Variants in MBD5 observed in about 807,000 individuals in gnomAD.
The protein encoded by MBD5 is methyl-CpG-binding domain protein 5.
A neutral mutation model predicts 117.3 loss-of-function variants in MBD5; 13 were observed. That is an observed-to-expected ratio of 0.11 (90% CI 0.07 to 0.18). The LOEUF (loss-of-function observed/expected upper bound fraction) is 0.18, where lower values mean the gene tolerates loss of function less well. MBD5 is among the 10% of genes least tolerant of loss of function. The pLI, the probability that MBD5 is intolerant of heterozygous loss-of-function variation, is 1.00. For missense variants in MBD5, 1,879 were observed against 2,093.8 expected, an observed-to-expected ratio of 0.90 and a Z score of 2.00; for synonymous variants, 727 against 766.4, an observed-to-expected ratio of 0.95 and a Z score of 0.85.
chr2:148,052,213 T>TG (rs1299337707), intron 1 of MBD5, among the ~76,000 whole-genome samples: 2 of 136,534 alleles, frequency 1.5e-5, no homozygotes, highest in Admixed American at 7.4e-5. Context: ...TGAGTTTTTT[T>TG]TTTTTTTTTT....
At chr2:148,092,304 A>T (rs1436755071) in intron 1 of MBD5, among the ~76,000 whole-genome samples, 1 of 152,248 alleles carries the variant, frequency 6.6e-6, no homozygotes, top group African/African-American at 2.4e-5. Flanking sequence ...CGGCAATCCC[A>T]ATACTGGGTA....
chr2:148,264,280 A>G, intron 3 of MBD5: 1 of 151,072 alleles, frequency 6.6e-6, no homozygotes, highest in Non-Finnish European at 1.5e-5. Flanking sequence ...CAGCCTGAGC[A>G]GCATCGTGAG....
intron 1 of MBD5, among the ~76,000 whole-genome samples, chr2:148,076,525 G>A (rs146519277): frequency 6.6e-6 from 1 of 152,206 alleles, no homozygotes; most frequent in African/African-American, 2.4e-5. Context: ...AAAAAAAGAG[G>A]CCTCAGAGGT....
At chr2:148,477,139 A>G (rs1054890724) in intron 8 of MBD5, among the ~76,000 whole-genome samples, 2 of 152,096 alleles carry the variant, frequency 1.3e-5, no homozygotes, top group Admixed American at 6.6e-5. Flanking sequence ...AGAAAAAAAA[A>G]CAAACTCTTT....
At chr2:148,386,460 T>G (rs1704365451) in intron 4 of MBD5, among the ~76,000 whole-genome samples, 7 of 152,092 alleles carry the variant, frequency 4.6e-5, no homozygotes, top group Admixed American at 4.6e-4. Flanking sequence ...GGCTCACGCC[T>G]GTAATCCCAG....
At chr2:148,204,951 A>G (rs1334229474) in intron 2 of MBD5, among the ~76,000 whole-genome samples, 1 of 152,200 alleles carries the variant, frequency 6.6e-6, no homozygotes, top group Non-Finnish European at 1.5e-5. Context: ...TGTAGACACT[A>G]TATATAAATA....
At chr2:148,274,023 T>C (rs907203152) in intron 3 of MBD5, among the ~76,000 whole-genome samples, 4 of 152,298 alleles carry the variant, frequency 2.6e-5, no homozygotes, top group African/African-American at 7.2e-5. Context: ...ATTCTAGTTC[T>C]CATTTGGAAG....
At chr2:148,381,609 G>A (rs553480900) in intron 4 of MBD5, among the ~76,000 whole-genome samples, 16 of 152,170 alleles carry the variant, frequency 1.1e-4, no homozygotes, top group African/African-American at 3.4e-4. Flanking sequence ...TACAGAGAAT[G>A]CCACAAAGAT....
At chr2:148,046,188 T>C (rs1252446120) in intron 1 of MBD5, among the ~76,000 whole-genome samples, 1 of 152,000 alleles carries the variant, frequency 6.6e-6, no homozygotes, top group African/African-American at 2.4e-5. Context: ...TTCACCATGT[T>C]GGCCAGGACG....
chr2:148,346,957 A>C (rs184162913), intron 4 of MBD5: 5 of 152,086 alleles, frequency 3.3e-5, no homozygotes, highest in African/African-American at 1.2e-4. Flanking sequence ...AATGTACCTC[A>C]AATCTGGCTT....
chr2:148,404,142 T>G (rs1705009310), intron 4 of MBD5, among the ~76,000 whole-genome samples: 2 of 151,836 alleles, frequency 1.3e-5, no homozygotes, highest in African/African-American at 2.4e-5. Flanking sequence ...TTTTTTTTCT[T>G]GTTGCATCCT....
At chr2:148,121,193 C>T (rs1696759794) in intron 1 of MBD5, among the ~76,000 whole-genome samples, 4 of 152,058 alleles carry the variant, frequency 2.6e-5, no homozygotes, top group Admixed American at 2.6e-4. Context: ...TTAGTGCCTA[C>T]CTCTTAAGGT....
intron 4 of MBD5, among the ~76,000 whole-genome samples, chr2:148,392,098 A>G (rs1704585512): frequency 6.6e-6 from 1 of 152,142 alleles, no homozygotes. Flanking sequence ...CAGTGATACT[A>G]TTTATTACAG....
At position 148,448,863 on chromosome 2, in the gene MBD5, G is replaced by A. The variant is rs1706643429; in HGVS notation, c.-556-9340G>A. Among the ~76,000 whole-genome samples the A allele has an allele frequency of 3.3e-5, 5 of 152,010 alleles. 1 individual carries two copies. The South Asian group carries it at 1.0e-3, about 31-fold the overall frequency. ...AACAGTAGTAATGCACAGATAAGAT[G>A]TGAAAATTACCCCCCAAACCTTGTT... On this transcript the variant is annotated intron_variant, in intron 4 of 13. Transcript: ENST00000642680.
At chr2:148,147,990 C>T (rs1280439593) in intron 1 of MBD5, among the ~76,000 whole-genome samples, 1 of 152,068 alleles carries the variant, frequency 6.6e-6, no homozygotes, top group Non-Finnish European at 1.5e-5. Context: ...TTTTGTAGAC[C>T]CCTATGAACA....
At chr2:148,294,501 GTTTT>G (rs58961481) in intron 3 of MBD5, among the ~76,000 whole-genome samples, 9 of 113,196 alleles carry the variant, frequency 8.0e-5, no homozygotes, top group Admixed American at 9.5e-5. Context: ...TGGGATTACA[GTTTT>G]TTTTTTTTTT....
At chr2:148,440,466 A>C (rs1363883419) in intron 4 of MBD5, among the ~76,000 whole-genome samples, 2 of 152,188 alleles carry the variant, frequency 1.3e-5, no homozygotes, top group South Asian at 2.1e-4. Flanking sequence ...GCCTCCACTC[A>C]GTTTTGATTG....
At chr2:148,370,451 A>G (rs1043455945) in intron 4 of MBD5, among the ~76,000 whole-genome samples, 1 of 152,172 alleles carries the variant, frequency 6.6e-6, no homozygotes. Flanking sequence ...AAAGTAAAAT[A>G]CAGATGACAA....
intron 1 of MBD5, among the ~76,000 whole-genome samples, chr2:148,127,266 C>G (rs970380204): frequency 1.3e-5 from 2 of 152,102 alleles, no homozygotes; most frequent in Admixed American, 6.5e-5. Flanking sequence ...GGGGTACTTG[C>G]GCAGGATATG....
Sources: allele counts gnomAD v4.1 joint callset (sites outside exome capture counted in the v4.1 genomes callset), GRCh38; gene constraint gnomAD v4.1.1; transcripts MANE v1.5; gene names NCBI Gene and HGNC (gene_info 2026-07-23, HGNC 2026-07-21).